CLYBL: variants seen among roughly 807,000 people sequenced by gnomAD.
CLYBL encodes citramalyl-CoA lyase, mitochondrial.
A neutral mutation model predicts 38.9 loss-of-function variants in CLYBL; 31 were observed. The observed-to-expected ratio is 0.80, with a 90% CI of 0.60 to 1.08. The LOEUF is 1.08. Among genes scored for constraint, CLYBL ranks in the 50% least tolerant of loss-of-function variants. The probability of loss-of-function intolerance (pLI) is 0.00; values close to 1 mark genes in which losing one functional copy is unlikely to be tolerated. For missense variants in CLYBL, 434 were observed against 411.6 expected (o/e 1.05, Z -0.47); for synonymous variants, 171 against 158.6 (o/e 1.08, Z -0.59).
At chr13:99,631,485 G>A (rs139917306) in intron 1 of CLYBL, among the ~76,000 whole-genome samples, 1 of 152,088 alleles carries the variant, frequency 6.6e-6, no homozygotes, top group Non-Finnish European at 1.5e-5. Flanking sequence ...TACAGGGATA[G>A]TCATACCATA....
intron 1 of CLYBL, among the ~76,000 whole-genome samples, chr13:99,683,679 A>G (rs1315172638): frequency 6.6e-6 from 1 of 151,710 alleles, no homozygotes; most frequent in Non-Finnish European, 1.5e-5. Context: ...TCCTGTGATA[A>G]CAATGCCTTC....
At chr13:99,871,696 G>A (rs936447564) in intron 7 of CLYBL, among the ~76,000 whole-genome samples, 1 of 152,174 alleles carries the variant, frequency 6.6e-6, no homozygotes, top group African/African-American at 2.4e-5. Flanking sequence ...TGCACAATCT[G>A]TCTCCACTTT....
chr13:99,711,403 C>CT (rs71215540), intron 1 of CLYBL, among the ~76,000 whole-genome samples: 26,216 of 83,268 alleles, frequency 0.31, 4,803 homozygotes, highest in Non-Finnish European at 0.39. Context: ...GGGAGTCCGT[C>CT]TTTTTTTTTT....
At chr13:99,838,155 CAT>C (rs2050983637) in intron 2 of CLYBL, among the ~76,000 whole-genome samples, 1 of 151,996 alleles carries the variant, frequency 6.6e-6, no homozygotes, top group Admixed American at 6.6e-5. Context: ...CTTTTTAAAA[CAT>C]AATTTTTATC....
At chr13:99,719,697 G>A (rs1230077915) in intron 1 of CLYBL, among the ~76,000 whole-genome samples, 1 of 151,812 alleles carries the variant, frequency 6.6e-6, no homozygotes, top group Non-Finnish European at 1.5e-5. Context: ...TAGTAGAGAT[G>A]GGGTTTCACT....
chr13:99,781,978 T>C (rs1347548246), intron 2 of CLYBL, among the ~76,000 whole-genome samples: 1 of 152,250 alleles, frequency 6.6e-6, no homozygotes, highest in Non-Finnish European at 1.5e-5. Flanking sequence ...GTATGCGTTA[T>C]TTTTGCTCAA....
At chr13:99,838,853 A>T (rs937714921) in intron 2 of CLYBL, among the ~76,000 whole-genome samples, 2 of 152,088 alleles carry the variant, frequency 1.3e-5, no homozygotes. Context: ...GTTAGCCAGT[A>T]TGGTCTCAAT....
chr13:99,705,869 T>C (rs984822611), intron 1 of CLYBL, among the ~76,000 whole-genome samples: 1 of 152,090 alleles, frequency 6.6e-6, no homozygotes, highest in African/African-American at 2.4e-5. Context: ...GACAAAACTA[T>C]ACCTAAAAAT....
intron 6 of CLYBL, among the ~76,000 whole-genome samples, chr13:99,868,986 T>G (rs1449454875): frequency 6.6e-6 from 1 of 152,136 alleles, no homozygotes; most frequent in African/African-American, 2.4e-5. Context: ...GGTCATAAAT[T>G]TTAATGTCTT....
At chr13:99,812,036 A>G (rs2050352893) in intron 2 of CLYBL, among the ~76,000 whole-genome samples, 1 of 152,218 alleles carries the variant, frequency 6.6e-6, no homozygotes, top group Non-Finnish European at 1.5e-5. Context: ...CAAAAGTTTT[A>G]TTATTAAGTT....
At chr13:99,776,562 A>G (rs2138814271) in intron 2 of CLYBL, among the ~76,000 whole-genome samples, 1 of 149,288 alleles carries the variant, frequency 6.7e-6, no homozygotes, top group Non-Finnish European at 1.5e-5. Flanking sequence ...TATCTGACAT[A>G]TTTCACATCA....
intron 7 of CLYBL, among the ~76,000 whole-genome samples, chr13:99,890,986 A>C (rs1182217477): frequency 6.6e-6 from 1 of 152,186 alleles, no homozygotes; most frequent in Non-Finnish European, 1.5e-5. Context: ...AGTTCTACAT[A>C]ATATTTCAAA....
chr13:99,899,818 C>A (rs913297222), downstream of CLYBL, among the ~76,000 whole-genome samples: 1 of 152,136 alleles, frequency 6.6e-6, no homozygotes, highest in Non-Finnish European at 1.5e-5. Flanking sequence ...TGACTTCCAC[C>A]CAGGGGCCAA....
chr13:99,657,407 C>T (rs1000335490), intron 1 of CLYBL, among the ~76,000 whole-genome samples: 1 of 152,162 alleles, frequency 6.6e-6, no homozygotes, highest in Non-Finnish European at 1.5e-5. Flanking sequence ...TCAGGCTCAC[C>T]GCTAATGCTT....
intron 2 of CLYBL, among the ~76,000 whole-genome samples, chr13:99,795,486 T>C (rs981026142): frequency 4.6e-5 from 7 of 151,910 alleles, no homozygotes; most frequent in African/African-American, 1.7e-4. Flanking sequence ...AGATCCCACC[T>C]CTACAAAAGA....
intron 1 of CLYBL, among the ~76,000 whole-genome samples, chr13:99,696,824 A>G (rs2047986866): frequency 6.6e-6 from 1 of 152,102 alleles, no homozygotes; most frequent in Non-Finnish European, 1.5e-5. Context: ...AAACCCACAC[A>G]AATTAAATTT....
intron 2 of CLYBL, among the ~76,000 whole-genome samples, chr13:99,830,908 C>T (rs2050791092): frequency 6.6e-6 from 1 of 152,114 alleles, no homozygotes. Flanking sequence ...TTAAGGATCT[C>T]GAGAAAAGAC....
chr13:99,682,223 G>C (rs550793392), intron 1 of CLYBL, among the ~76,000 whole-genome samples: 1 of 150,872 alleles, frequency 6.6e-6, no homozygotes, highest in Admixed American at 6.6e-5. Flanking sequence ...GGCTCACTGC[G>C]TCCTCCACCT....
At chr13:99,763,263 T>C (rs1388344395) in intron 1 of CLYBL, among the ~76,000 whole-genome samples, 1 of 152,196 alleles carries the variant, frequency 6.6e-6, no homozygotes, top group East Asian at 1.9e-4. Context: ...TAGAGGAAAG[T>C]CCTTAATTTC....
Sources: gnomAD v4.1 joint callset for allele counts (sites outside exome capture counted in the v4.1 genomes callset) on GRCh38, gnomAD v4.1.1 for gene constraint, MANE v1.5 for transcripts, NCBI Gene and HGNC (gene_info 2026-07-23, HGNC 2026-07-21) for gene names.